The following SHANK2 variants were observed in gnomAD, a reference collection of about 807,000 sequenced individuals.
SHANK2 encodes SH3 and multiple ankyrin repeat domains protein 2.
In SHANK2, 43 loss-of-function variants were observed where a neutral mutation model predicts 133.7. The observed-to-expected ratio is 0.32, with a 90% CI of 0.25 to 0.41. SHANK2 has a LOEUF of 0.41. Among genes scored for constraint, SHANK2 ranks in the 10% least tolerant of loss-of-function variants. The pLI is 1.00. For missense variants in SHANK2, 1,994 were observed against 2,235.8 expected, an observed-to-expected ratio of 0.89 and a Z score of 2.18; for synonymous variants, 1,017 against 952.8, an observed-to-expected ratio of 1.07 and a Z score of -1.24.
chr11:71,087,358 G>A (rs1377188111), intron 8 of SHANK2, among the ~76,000 whole-genome samples: 2 of 152,158 alleles, frequency 1.3e-5, no homozygotes, highest in Admixed American at 1.3e-4. Context: ...GTGTGGGAGG[G>A]GAAAGGACGG....
At chr11:70,580,930 C>A (rs1043228682) in intron 17 of SHANK2, among the ~76,000 whole-genome samples, 1 of 152,188 alleles carries the variant, frequency 6.6e-6, no homozygotes. Flanking sequence ...ACCCCACACT[C>A]CTCTGTCACT....
At chr11:71,201,079 A>G (rs1555117045) in intron 2 of SHANK2, among the ~76,000 whole-genome samples, 1 of 152,168 alleles carries the variant, frequency 6.6e-6, no homozygotes, top group African/African-American at 2.4e-5. Flanking sequence ...CACGACAGTG[A>G]TGGTTTAAGA....
chr11:71,102,553 C>CCTGGG (rs1240832752), intron 6 of SHANK2, among the ~76,000 whole-genome samples: 1 of 152,198 alleles, frequency 6.6e-6, no homozygotes, highest in Non-Finnish European at 1.5e-5. Context: ...TCTGCTGTCC[C>CCTGGG]CTGGGTGGCT....
At chr11:71,222,928 A>G (rs1342016411) in intron 2 of SHANK2, among the ~76,000 whole-genome samples, 3 of 152,372 alleles carry the variant, frequency 2.0e-5, no homozygotes, top group Admixed American at 1.3e-4. Context: ...TGTGGAGGAT[A>G]CAGACCCAGC....
At chr11:70,904,839 C>T (rs139505040) in intron 10 of SHANK2, among the ~76,000 whole-genome samples, 12 of 152,266 alleles carry the variant, frequency 7.9e-5, no homozygotes, top group South Asian at 4.2e-4. Context: ...GGAGTTTCTC[C>T]GCACAAGCTC....
At chr11:71,061,748 C>T (rs1357455804) in intron 9 of SHANK2, among the ~76,000 whole-genome samples, 6 of 152,058 alleles carry the variant, frequency 3.9e-5, no homozygotes, top group African/African-American at 7.2e-5. Context: ...TGCAGGTGAC[C>T]GGCATTTCAA....
rs1555052251 is a variant in SHANK2, at chr11:70,807,490, G to C, written c.1494-319C>G. Among the ~76,000 whole-genome samples, 1 of 152,202 alleles carries C rather than the reference G, an allele frequency of 6.6e-6. No individual in the cohort carries two copies. The highest frequency in any genetic ancestry group is 1.9e-4 in the East Asian group (1 of 5,192). On this transcript the variant is annotated intron_variant, in intron 12 of 25. Transcript: ENST00000601538. This position sits in a 1 kb window ranked among gnomAD's most constrained non-coding sequence, Gnocchi z 4.8. ...TCCCTCCACAGAATGGAGAGACACA[G>C]GGTGGTCCAAACATACAATGGAACG...
chr11:70,562,886 GT>G (rs2059923947), intron 17 of SHANK2, among the ~76,000 whole-genome samples: 1 of 151,702 alleles, frequency 6.6e-6, no homozygotes, highest in East Asian at 1.9e-4. Context: ...TTGTTTGTTT[GT>G]TTTGAGACAG....
intron 17 of SHANK2, among the ~76,000 whole-genome samples, chr11:70,614,569 T>C (rs1554995391): frequency 6.6e-6 from 1 of 152,194 alleles, no homozygotes; most frequent in Non-Finnish European, 1.5e-5. Context: ...TGCCTTGGCC[T>C]CCCAAAATGC....
intron 11 of SHANK2, among the ~76,000 whole-genome samples, chr11:70,842,851 A>T (rs894968942): frequency 1.5e-4 from 23 of 152,308 alleles, no homozygotes; most frequent in African/African-American, 5.1e-4. Context: ...TCCTCTCAGC[A>T]TCTGAGCTTG....
At chr11:70,702,113 TCAC>T (rs1180805693) in intron 14 of SHANK2, among the ~76,000 whole-genome samples, 146 of 147,036 alleles carry the variant, frequency 9.9e-4, no homozygotes, top group African/African-American at 3.7e-3. Context: ...TTCACCATCA[TCAC>T]CACCATCACC....
chr11:70,615,276 C>A (rs2136414220), intron 17 of SHANK2, among the ~76,000 whole-genome samples: 1 of 152,260 alleles, frequency 6.6e-6, no homozygotes, highest in African/African-American at 2.4e-5. Flanking sequence ...TGATGAGGGC[C>A]TGATACCTGG....
At chr11:70,529,310 T>G (rs188264497) in intron 17 of SHANK2, among the ~76,000 whole-genome samples, 18 of 152,304 alleles carry the variant, frequency 1.2e-4, no homozygotes, top group Admixed American at 1.2e-3. Context: ...ATCTTCCAGA[T>G]GGGAGGCTGG....
chr11:70,675,949 A>T (rs781864647), intron 15 of SHANK2, among the ~76,000 whole-genome samples: 6 of 152,210 alleles, frequency 3.9e-5, no homozygotes, highest in Non-Finnish European at 7.3e-5. Flanking sequence ...ATGAACTGGC[A>T]ATGTGTCAGA....
intron 14 of SHANK2, among the ~76,000 whole-genome samples, chr11:70,740,005 CA>C (rs1346593553): frequency 1.3e-5 from 2 of 152,250 alleles, no homozygotes; most frequent in African/African-American, 4.8e-5. Context: ...CGACCCAGAC[CA>C]GGGGCCCGGC....
In SHANK2 at chr11:70,803,284, G is replaced by A. The variant is rs557161470; in HGVS notation, c.1663+3718C>T. 4.0e-4 allele frequency among the ~76,000 whole-genome samples: 55 copies of A among 135,818 alleles called. No homozygotes were observed. The South Asian group carries it at 9.7e-3, about 24-fold the overall frequency. 89.1% of individuals were successfully genotyped at this position (135,818 alleles called of 152,430 possible). The stretch of plus-strand genomic sequence containing the variant: ...ATTCACCCACCTATCAAACTCAACC[G>A]CACATCCATCCATCCATCCATCCAT... On this transcript the variant is annotated intron_variant, in intron 13 of 25. Transcript: ENST00000601538.
At chr11:70,573,319 TGGG>T (rs1174423851) in intron 17 of SHANK2, among the ~76,000 whole-genome samples, 1 of 2,714 alleles carries the variant, frequency 3.7e-4, no homozygotes, top group Admixed American at 7.5e-3. Flanking sequence ...ACTCCAGCGG[TGGG>T]GGGGGGGGGC....
At chr11:70,857,534 A>G (rs1055619086) in intron 11 of SHANK2, among the ~76,000 whole-genome samples, 10 of 152,060 alleles carry the variant, frequency 6.6e-5, no homozygotes, top group Non-Finnish European at 1.3e-4. Context: ...TCACTTCCTG[A>G]TAAAGACCTT....
chr11:70,804,054 C>A lies in SHANK2; in HGVS notation c.1663+2948G>T, dbSNP rs891089778. Among the ~76,000 whole-genome samples, 1 of 152,024 alleles carries A rather than the reference C, an allele frequency of 6.6e-6. No homozygotes were observed. Among genetic ancestry groups the A allele is most frequent in the Admixed American group, 6.5e-5 (1 of 15,278 alleles). ...AGGACCCCAGGGCCACCCTGGGGCCCGTCACAGCCACCCTGCCTGCCTGCT... is the reference window on the plus strand; with the variant it reads ...AGGACCCCAGGGCCACCCTGGGGCCAGTCACAGCCACCCTGCCTGCCTGCT... On this transcript the variant is annotated intron_variant, in intron 13 of 25. Coordinates refer to ENST00000601538, the MANE Select transcript of SHANK2 (RefSeq NM_012309.5). The surrounding 1 kb of genome is among the most constrained non-coding windows in gnomAD (Gnocchi z 4.1).
Sources: allele counts gnomAD v4.1 joint callset (sites outside exome capture counted in the v4.1 genomes callset), GRCh38; gene constraint gnomAD v4.1.1; non-coding constraint Gnocchi (gnomAD v3.1); transcripts MANE v1.5; gene names NCBI Gene and HGNC (gene_info 2026-07-23, HGNC 2026-07-21).